Variants in KRT8 observed in about 807,000 individuals in gnomAD.
KRT8 encodes the protein keratin, type II cytoskeletal 8.
A neutral mutation model predicts 43.0 loss-of-function variants in KRT8; 24 were observed. That is an observed-to-expected ratio of 0.56 (90% CI 0.40 to 0.78). The LOEUF is 0.78. Among genes scored for constraint, KRT8 ranks in the 30% least tolerant of loss-of-function variants. The probability of loss-of-function intolerance (pLI) is 0.00; values close to 1 mark genes in which losing one functional copy is unlikely to be tolerated. For synonymous variants in KRT8, 214 were observed against 261.2 expected (o/e 0.82, Z 1.74); for missense variants, 492 against 638.4 (o/e 0.77, Z 2.47).
At chr12:52,948,842 G>A in intron 2 of KRT8, 1 of 417,894 alleles carries the variant, frequency 2.4e-6, no homozygotes, top group Non-Finnish European at 4.1e-6. Flanking sequence ...GGGGAGAAGA[G>A]CATAATAACG....
upstream of KRT8, among the ~76,000 whole-genome samples, chr12:52,907,395 T>C (rs987917499): frequency 6.6e-6 from 1 of 151,950 alleles, no homozygotes; most frequent in Non-Finnish European, 1.5e-5. Flanking sequence ...GGACAGGCGC[T>C]CTCCCTATCT....
intron 2 of KRT8, among the ~76,000 whole-genome samples, chr12:52,918,099 G>GGAA (rs200659475): frequency 1.7e-5 from 2 of 119,032 alleles, no homozygotes; most frequent in East Asian, 2.7e-4. Context: ...AAGAAGAAGA[G>GGAA]GAAGAAGAAG....
At chr12:52,932,701 G>T (rs1942104204) in intron 2 of KRT8, among the ~76,000 whole-genome samples, 2 of 152,008 alleles carry the variant, frequency 1.3e-5, no homozygotes, top group African/African-American at 4.8e-5. Flanking sequence ...CTACTTGGGA[G>T]GCTAAGGCAG....
chr12:52,949,356 G>C (rs1942424940), intron 2 of KRT8: 2 of 1,610,860 alleles, frequency 1.2e-6, no homozygotes, highest in African/African-American at 2.7e-5. Flanking sequence ...TGGGGTCCGG[G>C]GGCCTGGCCA....
At position 52,942,935 on chromosome 12, in the gene KRT8, A is replaced by C. The variant is rs368692485; in HGVS notation, c.-47+6521T>G. On this transcript the variant is annotated intron_variant, in intron 2 of 6. Coordinates refer to the KRT8 transcript ENST00000546826. ...GGAGCCTAGAGAGGTTACACACAAC[A>C]CATCCCAGCTCTGCCACCTACTAGG... Among the ~76,000 whole-genome samples the C allele has an allele frequency of 1.0e-3, 157 of 152,042 alleles. 1 individual carries two copies. Among genetic ancestry groups the C allele is most frequent in the Non-Finnish European group, 1.8e-3 (123 of 68,012 alleles).
chr12:52,902,000 G>C (rs141850020), exon 2 of KRT8: 2 of 1,603,816 alleles, frequency 1.2e-6, no homozygotes, highest in Non-Finnish European at 1.7e-6. Context: ...ATGTTGCTTC[G>C]AGCCGTCTTC....
At chr12:52,917,305 G>T (rs1038653468) in intron 2 of KRT8, among the ~76,000 whole-genome samples, 2 of 152,028 alleles carry the variant, frequency 1.3e-5, no homozygotes, top group African/African-American at 4.8e-5. Flanking sequence ...GGGAGGCTGA[G>T]GCAGGAGAAT....
At chr12:52,903,644 A>G (rs1481649640) in intron 1 of KRT8, 1 of 152,204 alleles carries the variant, frequency 6.6e-6, no homozygotes, top group Non-Finnish European at 1.5e-5. Flanking sequence ...CTGCTGTGTG[A>G]AAGTGGAGCC....
intron 2 of KRT8, among the ~76,000 whole-genome samples, chr12:52,922,918 A>G (rs1193354208): frequency 6.6e-6 from 1 of 152,140 alleles, no homozygotes; most frequent in Non-Finnish European, 1.5e-5. Flanking sequence ...CCAGCATGAG[A>G]GCTTGAACTG....
At chr12:52,919,016 G>A (rs534998078) in intron 2 of KRT8, among the ~76,000 whole-genome samples, 27 of 152,248 alleles carry the variant, frequency 1.8e-4, no homozygotes, top group Admixed American at 1.5e-3. Context: ...ACTAGGAGGT[G>A]GCAATTGGGT....
rs930943512 is a variant in KRT8, at chr12:52,902,243, A to G, written c.325-171T>C. On this transcript the variant is annotated intron_variant, in intron 1 of 7. Transcript: ENST00000692008. ...TCACCTATGACCAGGGGGAGAAAGC[A>G]TGGCATGATGGTGAGGTGGGGAGCA... The G allele has an allele frequency of 4.2e-5, 26 of 618,128 alleles. No homozygotes were observed. In the Middle Eastern group the frequency reaches 2.1e-3, roughly 51 times the overall value. The allele number at this position is 618,128 out of a possible 1,614,324, so 38.3% of individuals were successfully genotyped here. A position where few individuals can be genotyped will look rare whatever the true frequency, so the allele number is the denominator to read the frequency against.
intron 2 of KRT8, among the ~76,000 whole-genome samples, chr12:52,921,871 A>C (rs1245449327): frequency 6.6e-6 from 1 of 152,074 alleles, no homozygotes; most frequent in Non-Finnish European, 1.5e-5. Context: ...TCAGGATTAA[A>C]AGCAATGTGC....
chr12:52,897,616 C>G (rs1565715117), exon 8 of KRT8: 2 of 1,598,142 alleles, frequency 1.3e-6, no homozygotes, highest in Middle Eastern at 4.2e-4. Flanking sequence ...GAGCTCAGAC[C>G]ACCTGGTGAG....
intron 2 of KRT8, among the ~76,000 whole-genome samples, chr12:52,931,216 C>T (rs1207495689): frequency 2.6e-5 from 4 of 152,012 alleles, no homozygotes; most frequent in African/African-American, 4.8e-5. Context: ...TACAGGCACC[C>T]GCCATCAAGC....
intron 2 of KRT8, among the ~76,000 whole-genome samples, chr12:52,935,701 T>G (rs1010042748): frequency 6.6e-6 from 1 of 151,002 alleles, no homozygotes; most frequent in Non-Finnish European, 1.5e-5. Flanking sequence ...TGGAGTACAG[T>G]GGTGTGATCA....
intron 2 of KRT8, among the ~76,000 whole-genome samples, chr12:52,932,815 AC>A (rs1358296756): frequency 1.3e-4 from 20 of 152,212 alleles, no homozygotes; most frequent in African/African-American, 4.8e-4. Context: ...TAAAAAAAAA[AC>A]AAAAACAAAA....
At chr12:52,928,676 G>A (rs775720428) in intron 2 of KRT8, among the ~76,000 whole-genome samples, 2 of 152,200 alleles carry the variant, frequency 1.3e-5, no homozygotes, top group East Asian at 3.9e-4. Context: ...AGTCCGAGGT[G>A]TGTGGATCAC....
intron 2 of KRT8, among the ~76,000 whole-genome samples, chr12:52,937,128 T>C (rs1942180336): frequency 6.6e-6 from 1 of 151,900 alleles, no homozygotes; most frequent in Non-Finnish European, 1.5e-5. Flanking sequence ...CGTAGCACTT[T>C]GGGAGGCTGA....
At chr12:52,924,174 C>T (rs543877603) in intron 2 of KRT8, among the ~76,000 whole-genome samples, 3 of 152,180 alleles carry the variant, frequency 2.0e-5, no homozygotes, top group East Asian at 3.9e-4. Flanking sequence ...TTAGGCCAGG[C>T]GCAGTGGCTC....
Sources: gnomAD v4.1 joint callset for allele counts (sites outside exome capture counted in the v4.1 genomes callset) on GRCh38, gnomAD v4.1.1 for gene constraint, MANE v1.5 for transcripts, NCBI Gene and HGNC (gene_info 2026-07-23, HGNC 2026-07-21) for gene names.